The following ALK variants were observed in gnomAD, a reference collection of about 807,000 sequenced individuals.
ALK encodes ALK tyrosine kinase receptor.
ALK carries 74 observed loss-of-function variants against 163.1 expected under a neutral mutation model. The observed-to-expected ratio is 0.45, with a 90% confidence interval of 0.38 to 0.55. ALK has a LOEUF of 0.55. Among genes scored for constraint, ALK ranks in the 20% least tolerant of loss-of-function variants. The pLI is 0.00. For missense variants in ALK, 2,063 were observed against 2,105.3 expected (o/e 0.98, Z 0.39); for synonymous variants, 960 against 843.2 (o/e 1.14, Z -2.40).
chr2:29,652,994 C>G (rs1264603162), intron 3 of ALK, among the ~76,000 whole-genome samples: 4 of 152,160 alleles, frequency 2.6e-5, no homozygotes, highest in Non-Finnish European at 5.9e-5. Context: ...TGAAGCTGGT[C>G]AGGCAGAGGT....
chr2:29,764,658 C>G (rs1382957095), intron 1 of ALK, among the ~76,000 whole-genome samples: 1 of 152,128 alleles, frequency 6.6e-6, no homozygotes, highest in Non-Finnish European at 1.5e-5. Context: ...GGCAGGGACT[C>G]CCAAAAGCAA....
At chr2:29,707,213 G>T (rs1312488796) in intron 2 of ALK, among the ~76,000 whole-genome samples, 1 of 152,124 alleles carries the variant, frequency 6.6e-6, no homozygotes, top group Non-Finnish European at 1.5e-5. Context: ...GTGGTTAAGG[G>T]AGACCCCAGA....
chr2:29,285,861 C>T (rs1015124596), intron 9 of ALK, among the ~76,000 whole-genome samples: 3 of 152,196 alleles, frequency 2.0e-5, no homozygotes, highest in African/African-American at 4.8e-5. Context: ...CCGCACCTGG[C>T]CTTCAGTGGC....
chr2:29,218,036 G>A (rs544640205), intron 23 of ALK, among the ~76,000 whole-genome samples: 3 of 152,274 alleles, frequency 2.0e-5, no homozygotes, highest in Non-Finnish European at 2.9e-5. Flanking sequence ...TTGTGGCCCC[G>A]AGAATCCATG....
intron 5 of ALK, among the ~76,000 whole-genome samples, chr2:29,346,819 T>C (rs1485763629): frequency 6.6e-6 from 1 of 152,136 alleles, no homozygotes; most frequent in African/African-American, 2.4e-5. Flanking sequence ...TCAGAATCTC[T>C]GAACTGGGAG....
chr2:29,520,180 G>A (rs1340236870), intron 4 of ALK, among the ~76,000 whole-genome samples: 4 of 152,194 alleles, frequency 2.6e-5, no homozygotes, highest in Non-Finnish European at 2.9e-5. Context: ...GCATTTGCTC[G>A]GCAGTGTAGG....
rs369505500 is a variant in ALK at position 29,383,859 on chromosome 2, A to G, written c.1155T>C (p.Gly385=). The change falls in exon 5 of 29, where the codon GGT becomes GGC. Residue 385 remains glycine, a splice_region_variant and synonymous_variant. Transcript: ENST00000389048. ...CGATTCTTCCCTGGAGCACTGTCCAACTGGTTGCATTGGAAAACAGAGGAG... is the reference window on the plus strand; with the variant it reads ...CGATTCTTCCCTGGAGCACTGTCCAGCTGGTTGCATTGGAAAACAGAGGAG... ...ILLMPTPGKH[G]WTVLQGRIGR... 6.2e-6 allele frequency: 10 copies of G among 1,614,050 alleles called. No homozygotes were observed. Among genetic ancestry groups the G allele is most frequent in the African/African-American group, 5.3e-5 (4 of 74,998 alleles).
At chr2:29,465,555 G>A (rs542265588) in intron 4 of ALK, among the ~76,000 whole-genome samples, 2 of 152,124 alleles carry the variant, frequency 1.3e-5, no homozygotes, top group South Asian at 2.1e-4. Flanking sequence ...TTAACTGGGC[G>A]TAGTGGTGTG....
chr2:29,428,492 A>C (rs1299537634), intron 4 of ALK, among the ~76,000 whole-genome samples: 2 of 152,016 alleles, frequency 1.3e-5, no homozygotes, highest in Admixed American at 6.6e-5. Flanking sequence ...AAAAAAAGCT[A>C]TGTGCCAATA....
chr2:29,464,268 A>G lies in ALK; in HGVS notation c.1154+67647T>C, dbSNP rs932771322. Among the ~76,000 whole-genome samples the G allele has an allele frequency of 2.0e-5, 3 of 152,218 alleles. No homozygotes were observed. The South Asian group carries it at 6.2e-4, about 32-fold the overall frequency. On this transcript the variant is annotated intron_variant, in intron 4 of 28. Transcript: ENST00000389048. ...GTCAAAGCGATAATAGAATTTGATGATCTTAGAACAGCTTATTATAAACCT... is the reference window on the plus strand; with the variant it reads ...GTCAAAGCGATAATAGAATTTGATGGTCTTAGAACAGCTTATTATAAACCT...
chr2:29,346,839 A>G (rs1558686257), intron 5 of ALK, among the ~76,000 whole-genome samples: 1 of 152,134 alleles, frequency 6.6e-6, no homozygotes, highest in African/African-American at 2.4e-5. Flanking sequence ...GGAGGAGAAG[A>G]ATGAAGCACG....
At chr2:29,763,982 C>G (rs141594953) in intron 1 of ALK, among the ~76,000 whole-genome samples, 2,266 of 152,250 alleles carry the variant, frequency 0.015, 21 homozygotes, top group South Asian at 0.051. Flanking sequence ...CTCACAGCCA[C>G]CTGGGGAGGT....
intron 1 of ALK, among the ~76,000 whole-genome samples, chr2:29,761,356 T>C (rs1680695892): frequency 1.3e-5 from 2 of 152,178 alleles, no homozygotes; most frequent in South Asian, 4.1e-4. Flanking sequence ...TCCTTGACCT[T>C]TGGAGCTTTG....
At chr2:29,384,273 T>C (rs983607666) in intron 4 of ALK, among the ~76,000 whole-genome samples, 5 of 152,220 alleles carry the variant, frequency 3.3e-5, no homozygotes, top group East Asian at 1.9e-4. Context: ...GAAAGAATGA[T>C]TGGTTTTCAG....
chr2:29,907,139 G>A lies in ALK; in HGVS notation c.667+12854C>T, dbSNP rs1397239365. On this transcript the variant is annotated intron_variant, in intron 1 of 28. Transcript: ENST00000389048. ...TCTATTTTAAGAGGAAACTCCAGAA[G>A]CAGACAGGGCCCTAGATATAACGGC... The A allele has an allele frequency of 2.6e-5, 4 of 151,876 alleles. No individual in the cohort carries two copies. The South Asian group carries it at 8.3e-4, about 32-fold the overall frequency. The allele number at this position is 151,876 out of a possible 1,614,324, so 9.4% of individuals were successfully genotyped here.
intron 1 of ALK, among the ~76,000 whole-genome samples, chr2:29,772,972 G>A (rs1382350124): frequency 3.9e-5 from 6 of 152,088 alleles, no homozygotes; most frequent in South Asian, 2.1e-4. Flanking sequence ...TTTGTGGAAC[G>A]ACGTGCTGGA....
rs149835372 is a variant in ALK at position 29,866,348 on chromosome 2, A to G, written c.667+53645T>C. Among the ~76,000 whole-genome samples, 796 of 152,330 alleles carry G rather than the reference A, an allele frequency of 5.2e-3. 3 individuals are homozygous for G. Among genetic ancestry groups the G allele is most frequent in the Middle Eastern group, 0.01 (3 of 294 alleles). ...GAAAGGAAGGGCAGTCAGCCCATCC[A>G]TGTTTGCACAGCAGCATGGTGCAAC... On this transcript the variant is annotated intron_variant, in intron 1 of 28. Transcript: ENST00000389048.
intron 3 of ALK, among the ~76,000 whole-genome samples, chr2:29,587,206 C>T (rs1328780725): frequency 6.6e-6 from 1 of 152,222 alleles, no homozygotes; most frequent in East Asian, 1.9e-4. Context: ...CACCAAGTCC[C>T]TGGTCTTCTG....
chr2:29,714,408 A>G (rs1172678765), intron 2 of ALK, among the ~76,000 whole-genome samples: 1 of 152,204 alleles, frequency 6.6e-6, no homozygotes, highest in African/African-American at 2.4e-5. Context: ...TTTTTCCTCA[A>G]GCAGATAATT....
Sources: allele counts gnomAD v4.1 joint callset (sites outside exome capture counted in the v4.1 genomes callset), GRCh38; gene constraint gnomAD v4.1.1; transcripts MANE v1.5; gene names NCBI Gene and HGNC (gene_info 2026-07-23, HGNC 2026-07-21).